Variants in GAS7 observed in about 807,000 individuals in gnomAD.
GAS7 encodes the protein growth arrest-specific protein 7.
In GAS7, 28 loss-of-function variants were observed where a neutral mutation model predicts 71.1. That is an observed-to-expected ratio of 0.39 (90% CI 0.29 to 0.54). The LOEUF is 0.54. Among genes scored for constraint, GAS7 ranks in the 20% least tolerant of loss-of-function variants. GAS7 has a pLI of 0.62. For missense variants in GAS7, 436 were observed against 627.8 expected, an observed-to-expected ratio of 0.69 and a Z score of 3.27; for synonymous variants, 258 against 245.8, an observed-to-expected ratio of 1.05 and a Z score of -0.46.
intron 1 of GAS7, among the ~76,000 whole-genome samples, chr17:10,056,613 T>C (rs2073140192): frequency 6.6e-6 from 1 of 152,182 alleles, no homozygotes; most frequent in African/African-American, 2.4e-5. Flanking sequence ...GGCTCACGCC[T>C]GTAATCCCAG....
chr17:10,037,873 C>G (rs2072785592), intron 1 of GAS7, among the ~76,000 whole-genome samples: 2 of 151,856 alleles, frequency 1.3e-5, no homozygotes, highest in African/African-American at 4.8e-5. Context: ...CAAAAAGAGT[C>G]CAGACTGAAC....
At chr17:10,075,800 T>TA (rs79319593) in intron 1 of GAS7, among the ~76,000 whole-genome samples, 2,214 of 131,080 alleles carry the variant, frequency 0.017, 48 homozygotes, top group African/African-American at 0.053. Context: ...ATCTCAGTTT[T>TA]AAAAAAAAAA....
intron 4 of GAS7, among the ~76,000 whole-genome samples, chr17:9,961,851 T>G (rs908470060): frequency 6.6e-6 from 1 of 152,166 alleles, no homozygotes; most frequent in East Asian, 1.9e-4. Flanking sequence ...CATAACTCTT[T>G]CCTCTATCTT....
chr17:9,985,976 C>T (rs1435269211), intron 2 of GAS7, among the ~76,000 whole-genome samples: 1 of 152,236 alleles, frequency 6.6e-6, no homozygotes, highest in Non-Finnish European at 1.5e-5. Flanking sequence ...AGTCCTGCAA[C>T]ACACACATTC....
intron 5 of GAS7, among the ~76,000 whole-genome samples, chr17:9,957,274 T>TGAGAATACAATTTGCAGACTCCCTCATGA (rs2069281524): frequency 6.6e-6 from 1 of 152,200 alleles, no homozygotes; most frequent in Admixed American, 6.5e-5. Flanking sequence ...CTTGGAGGCT[T>TGAGAATACAATTTGCAGACTCCCTCATGA]GAGAATACAA....
intron 1 of GAS7, among the ~76,000 whole-genome samples, chr17:10,105,675 C>T (rs1374149605): frequency 6.6e-6 from 1 of 152,176 alleles, no homozygotes; most frequent in African/African-American, 2.4e-5. Flanking sequence ...CTTCCCTAAG[C>T]TCCCAATCCA....
At chr17:9,939,649 G>A (rs981673650) in intron 8 of GAS7, among the ~76,000 whole-genome samples, 3 of 151,236 alleles carry the variant, frequency 2.0e-5, no homozygotes, top group South Asian at 4.2e-4. Context: ...TCGCTCTGTC[G>A]CCCAGGCTGG....
chr17:10,174,800 C>T lies in GAS7; in HGVS notation c.183+23408G>A, dbSNP rs139904821. ...CAGAATTCTTCCAAAAGACACGTGC[C>T]AGTGCCTTCACGGGCTTTGACCTGA... On this transcript the variant is annotated intron_variant, in intron 1 of 13. Coordinates refer to ENST00000432992, the MANE Select transcript of GAS7 (RefSeq NM_201433.2). Among the ~76,000 whole-genome samples the T allele has an allele frequency of 5.8e-4, 88 of 152,310 alleles. 2 individuals are homozygous for T. The East Asian group carries it at 0.015, about 25-fold the overall frequency.
Position 10,059,571 on chromosome 17 carries a change from A to G in GAS7, c.184-39674T>C, listed in dbSNP as rs889607241. Reference sequence around the variant, plus strand: ...CAGAGCCAAACCCTAGCCAAGCAAGAGGTCATCCAAGGAAGATTTCTCCTC... The same window carrying G: ...CAGAGCCAAACCCTAGCCAAGCAAGGGGTCATCCAAGGAAGATTTCTCCTC... On this transcript the variant is annotated intron_variant, in intron 1 of 13. Coordinates refer to ENST00000432992, the MANE Select transcript of GAS7 (RefSeq NM_201433.2). 1.7e-5 allele frequency: 6 copies of G among 357,706 alleles called. No individual in the cohort carries two copies. In the South Asian group the frequency reaches 6.7e-4, roughly 40 times the overall value. The allele number at this position is 357,706 out of a possible 1,614,324, so 22.2% of individuals were successfully genotyped here. A position where few individuals can be genotyped will look rare whatever the true frequency, so the allele number is the denominator to read the frequency against.
At chr17:10,159,692 G>C (rs2074236380) in intron 1 of GAS7, among the ~76,000 whole-genome samples, 1 of 152,150 alleles carries the variant, frequency 6.6e-6, no homozygotes, top group African/African-American at 2.4e-5. Flanking sequence ...AGGTTTCTTA[G>C]GTCCTGGGTA....
chr17:10,126,383 C>T (rs1216358230), intron 1 of GAS7, among the ~76,000 whole-genome samples: 2 of 151,600 alleles, frequency 1.3e-5, no homozygotes, highest in Non-Finnish European at 2.9e-5. Context: ...CACCCACACA[C>T]TCACGCACAT....
At chr17:10,183,989 G>A (rs1368013684) in intron 1 of GAS7, among the ~76,000 whole-genome samples, 5 of 152,168 alleles carry the variant, frequency 3.3e-5, no homozygotes, top group African/African-American at 1.2e-4. Context: ...ACCCTTGAAC[G>A]TTGTTGTCTA....
chr17:10,112,162 T>A lies in GAS7; in HGVS notation c.183+86046A>T, dbSNP rs538765754. Among the ~76,000 whole-genome samples the A allele has an allele frequency of 2.6e-5, 4 of 152,332 alleles. No homozygotes were observed. In the East Asian group the frequency reaches 7.7e-4, roughly 29 times the overall value. ...ACAGCTTCACCTCCAGCTCCCTGACTTAGAAAAGCCTGGGAGCAGAGAAAT... is the reference window on the plus strand; with the variant it reads ...ACAGCTTCACCTCCAGCTCCCTGACATAGAAAAGCCTGGGAGCAGAGAAAT... On this transcript the variant is annotated intron_variant, in intron 1 of 13. Coordinates refer to ENST00000432992, the MANE Select transcript of GAS7 (RefSeq NM_201433.2).
intron 1 of GAS7, among the ~76,000 whole-genome samples, chr17:10,165,177 A>G (rs2074284493): frequency 6.6e-6 from 1 of 151,228 alleles, no homozygotes; most frequent in Non-Finnish European, 1.5e-5. Context: ...CTGTAGTCCC[A>G]GCTACTCGGG....
chr17:9,939,381 G>A (rs1333932320), intron 8 of GAS7, among the ~76,000 whole-genome samples: 2 of 152,114 alleles, frequency 1.3e-5, no homozygotes, highest in Non-Finnish European at 2.9e-5. Context: ...AGCATTAGCG[G>A]GAAGGGAGCC....
chr17:10,101,118 C>G (rs867860693), intron 1 of GAS7, among the ~76,000 whole-genome samples: 27 of 149,356 alleles, frequency 1.8e-4, no homozygotes, highest in Admixed American at 1.1e-3. Flanking sequence ...CAAAAAAAAC[C>G]AAATATGGTC....
chr17:10,001,317 C>T (rs921094079), intron 2 of GAS7, among the ~76,000 whole-genome samples: 3 of 152,118 alleles, frequency 2.0e-5, no homozygotes, highest in Non-Finnish European at 4.4e-5. Context: ...TATTTTTATC[C>T]TACTTATAAA....
intron 1 of GAS7, among the ~76,000 whole-genome samples, chr17:10,157,635 A>G (rs2074215219): frequency 6.6e-6 from 1 of 152,222 alleles, no homozygotes; most frequent in South Asian, 2.1e-4. Context: ...GAAGCCTTGT[A>G]GGTGTGAGAA....
Position 9,915,909 on chromosome 17 carries a change from G to A in GAS7, c.*1319C>T, listed in dbSNP as rs1015827658. On this transcript the variant is annotated 3_prime_UTR_variant, in exon 14 of 14. Coordinates refer to ENST00000432992, the MANE Select transcript of GAS7 (RefSeq NM_201433.2). ...AAGTAATGAGCTGGGCCAAACAGCA[G>A]CACTGAAAGCTTCCCAAGTCACACT... The A allele has an allele frequency of 8.2e-5, 19 of 232,426 alleles. No homozygotes were observed. The highest frequency in any genetic ancestry group is 2.6e-5 in the Non-Finnish European group (3 of 117,614). The allele number at this position is 232,426 out of a possible 1,614,324, so 14.4% of individuals were successfully genotyped here.
Sources: allele counts gnomAD v4.1 joint callset (sites outside exome capture counted in the v4.1 genomes callset), GRCh38; gene constraint gnomAD v4.1.1; transcripts MANE v1.5; gene names NCBI Gene and HGNC (gene_info 2026-07-23, HGNC 2026-07-21).